NIT2: variants seen among roughly 807,000 people sequenced by gnomAD.
The protein encoded by NIT2 is omega-amidase NIT2.
In NIT2, 46 loss-of-function variants were observed where a neutral mutation model predicts 42.7. That is an observed-to-expected ratio of 1.08 (90% CI 0.85 to 1.38). The LOEUF (loss-of-function observed/expected upper bound fraction) is 1.38. Among genes scored for constraint, NIT2 ranks in the 40% most tolerant of loss-of-function variants. The probability of loss-of-function intolerance (pLI) is 0.00; values close to 1 mark genes in which losing one functional copy is unlikely to be tolerated. For synonymous variants in NIT2, 123 were observed against 121.9 expected, an observed-to-expected ratio of 1.01 and a Z score of -0.06; for missense variants, 309 against 342.5, an observed-to-expected ratio of 0.90 and a Z score of 0.77.
chr3:100,354,505 A>G (rs754256005), intron 8 of NIT2, among the ~76,000 whole-genome samples: 1 of 152,214 alleles, frequency 6.6e-6, no homozygotes, highest in Non-Finnish European at 1.5e-5. Context: ...GTGATTTGCA[A>G]TTTATGAAAC....
intron 6 of NIT2, 137 bp downstream of exon 6, chr3:100,346,392 G>A: frequency 1.4e-6 from 1 of 709,698 alleles, no homozygotes. Flanking sequence ...ACCCCCATGA[G>A]GCTTCCCAGA....
intron 9 of NIT2, 67 bp downstream of exon 9, chr3:100,354,894 C>A: frequency 7.5e-7 from 1 of 1,329,518 alleles, no homozygotes; most frequent in Non-Finnish European, 1.1e-6. Flanking sequence ...GACTCCATGG[C>A]TGGGAAGTCC....
chr3:100,354,748 C>T (rs1452542450), intron 8 of NIT2, 24 bp from the exon 9 acceptor site: 8 of 1,591,384 alleles, frequency 5.0e-6, no homozygotes, highest in South Asian at 1.1e-5. Context: ...TGAATCCACT[C>T]ATTCTCTTCT....
At chr3:100,339,962 G>T in intron 3 of NIT2, 27 bp downstream of exon 3, 1 of 1,595,762 alleles carries the variant, frequency 6.3e-7, no homozygotes, top group South Asian at 1.1e-5. Flanking sequence ...AAGGTATAAT[G>T]ACCTAAACAT....
chr3:100,351,452 G>A (rs1273488531), intron 7 of NIT2, among the ~76,000 whole-genome samples: 84 of 151,802 alleles, frequency 5.5e-4, no homozygotes, highest in African/African-American at 1.8e-3. Context: ...AAATAACGCC[G>A]CATATCTACA....
Position 100,352,508 on chromosome 3 carries a change from T to G in NIT2, c.683+6T>G. 6.2e-7 allele frequency: 1 copy of G among 1,607,996 alleles called. No homozygotes were observed. Among genetic ancestry groups the G allele is most frequent in the East Asian group, 2.2e-5 (1 of 44,792 alleles). On this transcript the variant is annotated splice_donor_region_variant and intron_variant, in intron 8 of 9. Transcript: ENST00000394140. Reference sequence around the variant, plus strand: ...AGCACCGTGGTGAACCCTTGGTGAGTAAGGCTAAGTGAGAATAGGCTCAGT... The same window carrying G: ...AGCACCGTGGTGAACCCTTGGTGAGGAAGGCTAAGTGAGAATAGGCTCAGT...
chr3:100,348,392 A>G (rs961623422), intron 6 of NIT2, among the ~76,000 whole-genome samples: 1 of 152,230 alleles, frequency 6.6e-6, no homozygotes. Flanking sequence ...ACCTAGGTCA[A>G]ACCCAGCACC....
At chr3:100,341,272 T>C in intron 4 of NIT2, 111 bp downstream of exon 4, 1 of 738,482 alleles carries the variant, frequency 1.4e-6, no homozygotes, top group Non-Finnish European at 2.4e-6. Flanking sequence ...CACACATGTA[T>C]TAGGGTTTTG....
intron 1 of NIT2, 176 bp downstream of exon 1, chr3:100,334,974 G>T: frequency 3.3e-6 from 2 of 599,278 alleles, no homozygotes; most frequent in Non-Finnish European, 5.2e-6. Flanking sequence ...GCGGCCGGGC[G>T]CACTCCCGGG....
chr3:100,355,156 G>A, intron 9 of NIT2, 21 bp from the exon 10 acceptor site: 1 of 1,592,264 alleles, frequency 6.3e-7, no homozygotes, highest in Non-Finnish European at 8.6e-7. Flanking sequence ...TATTAATAGT[G>A]CACTTTCCTG....
intron 7 of NIT2, chr3:100,350,059 A>G (rs745747419): frequency 2.6e-5 from 4 of 152,210 alleles, no homozygotes; most frequent in Non-Finnish European, 5.9e-5. Flanking sequence ...ATAACAGAAC[A>G]TTTCCAGCCC....
At chr3:100,352,000 A>G (rs1445787798) in intron 7 of NIT2, among the ~76,000 whole-genome samples, 2 of 152,186 alleles carry the variant, frequency 1.3e-5, no homozygotes, top group Non-Finnish European at 2.9e-5. Flanking sequence ...CAAAAAACAC[A>G]TGAAAAAAAT....
intron 4 of NIT2, among the ~76,000 whole-genome samples, chr3:100,344,982 T>A (rs1260091409): frequency 1.4e-5 from 2 of 147,918 alleles, no homozygotes; most frequent in Non-Finnish European, 3.0e-5. Context: ...AGAGAGAGAG[T>A]CTTGCTCTGT....
intron 1 of NIT2, among the ~76,000 whole-genome samples, chr3:100,336,726 C>T (rs12107485): frequency 6.6e-6 from 1 of 152,070 alleles, no homozygotes; most frequent in East Asian, 1.9e-4. Context: ...TTTTCCCTAT[C>T]TTAGTAGATG....
rs1706147686 is a variant in NIT2 at position 100,341,269 on chromosome 3, G to A, written c.336+108G>A. 9.4e-6 allele frequency: 7 copies of A among 741,948 alleles called. 1 individual carries two copies. The highest frequency in any genetic ancestry group is 1.7e-5 in the African/African-American group (1 of 57,366). The allele number at this position is 741,948 out of a possible 1,614,324, so 46.0% of individuals were successfully genotyped here. On this transcript the variant is annotated intron_variant, in intron 4 of 9. Coordinates refer to ENST00000394140, the MANE Select transcript of NIT2 (RefSeq NM_020202.5). ...TAGTCCCTCTCATTATATCACACAT[G>A]TATTAGGGTTTTGACTGATTGGCAC...
At chr3:100,354,312 C>A (rs1706303161) in intron 8 of NIT2, among the ~76,000 whole-genome samples, 1 of 152,206 alleles carries the variant, frequency 6.6e-6, no homozygotes, top group South Asian at 2.1e-4. Context: ...CTGCCTAGGC[C>A]CAGCTTCACC....
At chr3:100,342,532 T>C (rs78640375) in intron 4 of NIT2, among the ~76,000 whole-genome samples, 14 of 151,602 alleles carry the variant, frequency 9.2e-5, no homozygotes, top group East Asian at 3.9e-4. Context: ...TTTTTTTTTT[T>C]CCAGTTGTTG....
chr3:100,334,905 C>A, intron 1 of NIT2, 107 bp downstream of exon 1: 1 of 1,086,984 alleles, frequency 9.2e-7, no homozygotes, highest in South Asian at 3.8e-5. Flanking sequence ...CCCGCGTCCC[C>A]GCCGTGCGCG....
chr3:100,337,011 G>T (rs1706084139), intron 1 of NIT2, among the ~76,000 whole-genome samples: 1 of 152,230 alleles, frequency 6.6e-6, no homozygotes, highest in African/African-American at 2.4e-5. Flanking sequence ...CAGTGTTTGT[G>T]TCCCTGGGTA....
Sources: allele counts gnomAD v4.1 joint callset (sites outside exome capture counted in the v4.1 genomes callset), GRCh38; gene constraint gnomAD v4.1.1; transcripts MANE v1.5; gene names NCBI Gene and HGNC (gene_info 2026-07-23, HGNC 2026-07-21).